The following KPNA3 variants were observed in gnomAD, a reference collection of about 807,000 sequenced individuals.
KPNA3 encodes karyopherin subunit alpha 3, also known as importin subunit alpha-4.
In KPNA3, 13 loss-of-function variants were observed where a neutral mutation model predicts 73.8. The ratio of observed to expected loss-of-function variants is 0.18; its 90% confidence interval spans 0.11 to 0.28. KPNA3 has a LOEUF of 0.28. Among genes scored for constraint, KPNA3 ranks in the 10% least tolerant of loss-of-function variants. The pLI is 1.00. For missense variants in KPNA3, 360 were observed against 618.1 expected (o/e 0.58, Z 4.43); for synonymous variants, 186 against 206.9 (o/e 0.90, Z 0.87).
intron 15 of KPNA3, among the ~76,000 whole-genome samples, chr13:49,704,561 A>G (rs1267772102): frequency 6.6e-6 from 1 of 151,960 alleles, no homozygotes; most frequent in Admixed American, 6.5e-5. Context: ...ATAAATAAAT[A>G]AACAATAGAA....
intron 11 of KPNA3, 32 bp downstream of exon 11, chr13:49,710,859 T>C (rs1204989814): frequency 6.3e-7 from 1 of 1,597,892 alleles, no homozygotes; most frequent in African/African-American, 1.3e-5. Flanking sequence ...AACACAACTG[T>C]ATACAAATAA....
intron 6 of KPNA3, among the ~76,000 whole-genome samples, chr13:49,730,933 C>T (rs567161410): frequency 6.0e-5 from 9 of 150,146 alleles, no homozygotes; most frequent in South Asian, 2.1e-4. Flanking sequence ...CCTGCCACCA[C>T]GCCCGGCTGA....
rs750018832 is a variant in KPNA3, at chr13:49,732,785, GAA to G, written c.205-11_205-10del. On this transcript the variant is annotated splice_polypyrimidine_tract_variant and intron_variant, in intron 3 of 16. Coordinates refer to ENST00000261667, the MANE Select transcript of KPNA3 (RefSeq NM_002267.4). ...TCTAGGGTTACATTTTGCTTAAAAA[GAA>G]AAAAAAAATAGTTCAGCAGAGTTTA... is the stretch of plus-strand genomic sequence containing the variant. 4.9e-6 allele frequency: 7 copies of G among 1,434,552 alleles called. No individual in the cohort carries two copies. Among genetic ancestry groups the G allele is most frequent in the East Asian group, 2.4e-5 (1 of 41,248 alleles). 88.9% of individuals were successfully genotyped at this position (1,434,552 alleles called of 1,614,324 possible). A position where few individuals can be genotyped will look rare whatever the true frequency, so the allele number is the denominator to read the frequency against.
At chr13:49,778,024 G>A (rs1156378891) in intron 1 of KPNA3, among the ~76,000 whole-genome samples, 2 of 151,934 alleles carry the variant, frequency 1.3e-5, no homozygotes, top group East Asian at 3.9e-4. Flanking sequence ...GTTTTAAAAG[G>A]AGAAAAAACA....
intron 1 of KPNA3, among the ~76,000 whole-genome samples, chr13:49,771,975 T>C (rs1954859566): frequency 6.6e-6 from 1 of 152,204 alleles, no homozygotes; most frequent in Admixed American, 6.5e-5. Context: ...TAATTTTAGA[T>C]TGCCCATTGC....
intron 1 of KPNA3, among the ~76,000 whole-genome samples, chr13:49,768,567 ATTTTTTTTTTT>A (rs67753113): frequency 1.5e-5 from 1 of 64,892 alleles, no homozygotes; most frequent in South Asian, 5.7e-4. Flanking sequence ...GGGTTAATCA[ATTTTTTTTTTT>A]TTTTTTTTTT....
intron 10 of KPNA3, among the ~76,000 whole-genome samples, chr13:49,713,090 A>G (rs936997827): frequency 6.6e-6 from 1 of 152,158 alleles, no homozygotes; most frequent in Non-Finnish European, 1.5e-5. Flanking sequence ...TAAAGGGATG[A>G]GCAAAAGTAT....
Position 49,704,446 on chromosome 13 carries a change from T to A in KPNA3, c.1372+1175A>T, listed in dbSNP as rs1249559723. On this transcript the variant is annotated intron_variant, in intron 15 of 16. Coordinates refer to ENST00000261667, the MANE Select transcript of KPNA3 (RefSeq NM_002267.4). ...AATAAATAAATAAAAAATAAATAAA[T>A]AAATAAATAAATAAATAAATAAATA... 1.4e-3 allele frequency among the ~76,000 whole-genome samples: 59 copies of A among 42,696 alleles called. No homozygotes were observed. The South Asian group carries it at 0.015, about 11-fold the overall frequency. The allele number at this position is 42,696 out of a possible 152,430, so 28.0% of individuals were successfully genotyped here.
intron 1 of KPNA3, among the ~76,000 whole-genome samples, chr13:49,782,879 T>G (rs1954952713): frequency 6.6e-6 from 1 of 150,702 alleles, no homozygotes; most frequent in African/African-American, 2.4e-5. Flanking sequence ...AAAAAAAAGC[T>G]AAATAAATGT....
intron 12 of KPNA3, among the ~76,000 whole-genome samples, chr13:49,709,160 TG>T (rs1419623647): frequency 2.0e-5 from 3 of 152,136 alleles, no homozygotes; most frequent in Admixed American, 2.0e-4. Flanking sequence ...CTCAGCACTT[TG>T]TGGGGCTGAA....
At chr13:49,745,362 A>ATT (rs71078886) in intron 2 of KPNA3, among the ~76,000 whole-genome samples, 6 of 145,188 alleles carry the variant, frequency 4.1e-5, no homozygotes, top group Non-Finnish European at 7.6e-5. Context: ...CAAGACGGTA[A>ATT]TTTTTTTTTT....
intron 1 of KPNA3, among the ~76,000 whole-genome samples, chr13:49,761,194 G>A (rs1382092803): frequency 2.0e-5 from 3 of 151,988 alleles, no homozygotes; most frequent in African/African-American, 7.3e-5. Flanking sequence ...TAGTAGAGAA[G>A]AGGGTCCCTC....
At chr13:49,782,444 TG>T (rs1425735053) in intron 1 of KPNA3, among the ~76,000 whole-genome samples, 3 of 152,320 alleles carry the variant, frequency 2.0e-5, no homozygotes, top group Admixed American at 2.0e-4. Flanking sequence ...ATTATCTACC[TG>T]TATCATAGAA....
intron 1 of KPNA3, among the ~76,000 whole-genome samples, chr13:49,756,556 C>G (rs1954713561): frequency 6.6e-6 from 1 of 152,042 alleles, no homozygotes; most frequent in South Asian, 2.1e-4. Flanking sequence ...GATCCTGTTT[C>G]TAGCTTAAAA....
At chr13:49,747,373 A>AC (rs1384758214) in intron 1 of KPNA3, among the ~76,000 whole-genome samples, 2 of 151,852 alleles carry the variant, frequency 1.3e-5, no homozygotes, top group Non-Finnish European at 2.9e-5. Flanking sequence ...AGAAAAAAAA[A>AC]AACTCAGGTA....
intron 10 of KPNA3, among the ~76,000 whole-genome samples, chr13:49,714,937 A>C (rs919410730): frequency 6.6e-6 from 1 of 152,120 alleles, no homozygotes; most frequent in Admixed American, 6.5e-5. Context: ...AAACTAACAT[A>C]TAATGATCAA....
intron 1 of KPNA3, among the ~76,000 whole-genome samples, chr13:49,776,944 TGCTA>T (rs1402390287): frequency 6.6e-6 from 1 of 152,248 alleles, no homozygotes; most frequent in East Asian, 1.9e-4. Flanking sequence ...CATTGCTCTC[TGCTA>T]GCTGAGGTTA....
At chr13:49,761,305 ACTG>A (rs1168175349) in intron 1 of KPNA3, among the ~76,000 whole-genome samples, 9 of 152,024 alleles carry the variant, frequency 5.9e-5, no homozygotes, top group African/African-American at 2.2e-4. Flanking sequence ...GCTGGACTGT[ACTG>A]CTGCCATCTC....
Position 49,746,940 on chromosome 13 carries a change from C to A in KPNA3, c.114+9G>T. The A allele has an allele frequency of 6.3e-7, 1 of 1,597,598 alleles. No homozygotes were observed. The highest frequency in any genetic ancestry group is 1.1e-5 in the South Asian group (1 of 90,570). ...TAATTACTTTTCTTTAAATGTAAAT[C>A]AACCTTACCTTCCGCAGTTCCACTG... On this transcript the variant is annotated intron_variant, in intron 2 of 16. Transcript: ENST00000261667.
Sources: allele counts gnomAD v4.1 joint callset (sites outside exome capture counted in the v4.1 genomes callset), GRCh38; gene constraint gnomAD v4.1.1; transcripts MANE v1.5; gene names NCBI Gene and HGNC (gene_info 2026-07-23, HGNC 2026-07-21).